The following KLF5 variants were observed in gnomAD, a reference collection of about 807,000 sequenced individuals.
The protein encoded by KLF5 is KLF transcription factor 5, also known as Krueppel-like factor 5.
KLF5 carries 9 observed loss-of-function variants against 36.9 expected under a neutral mutation model. That is an observed-to-expected ratio of 0.24 (90% CI 0.15 to 0.43). The LOEUF is 0.43. KLF5 is among the 20% of genes least tolerant of loss of function. KLF5 has a pLI of 1.00. For synonymous variants in KLF5, 246 were observed against 241.7 expected, an observed-to-expected ratio of 1.02 and a Z score of -0.17; for missense variants, 524 against 599.5, an observed-to-expected ratio of 0.87 and a Z score of 1.31.
chr13:73,075,702 T>A lies in KLF5; in HGVS notation c.1196-6T>A, dbSNP rs1402451162. 2 of 1,578,614 alleles carry A rather than the reference T, an allele frequency of 1.3e-6. No homozygotes were observed. The highest frequency in any genetic ancestry group is 1.7e-6 in the Non-Finnish European group (2 of 1,151,628). On this transcript the variant is annotated splice_region_variant and splice_polypyrimidine_tract_variant and intron_variant, in intron 3 of 3. Coordinates refer to ENST00000377687, the MANE Select transcript of KLF5 (RefSeq NM_001730.5). The stretch of plus-strand genomic sequence containing the variant: ...GCCGCTTTACCTCCTTTGTTCGTTG[T>A]CACAGGTGAAAAGCCATACAAGTGT...
In KLF5 at chr13:73,059,214, C is replaced by T; in HGVS notation, c.-114C>T. 9.3e-7 allele frequency: 1 copy of T among 1,072,840 alleles called. No individual in the cohort carries two copies. The highest frequency in any genetic ancestry group is 1.2e-6 in the Non-Finnish European group (1 of 834,830). 66.5% of individuals were successfully genotyped at this position (1,072,840 alleles called of 1,614,324 possible). A position where few individuals can be genotyped will look rare whatever the true frequency, so the allele number is the denominator to read the frequency against. On this transcript the variant is annotated 5_prime_UTR_variant, in exon 1 of 4. Transcript: ENST00000377687. The stretch of plus-strand genomic sequence containing the variant: ...CCTGCCGCTGTCTGAGGAGTCCACC[C>T]GAAACCTCCCCTCCTCCGCCGGCAG...
intron 1 of KLF5, among the ~76,000 whole-genome samples, chr13:73,061,637 T>C (rs567301803): frequency 2.0e-5 from 3 of 152,156 alleles, no homozygotes; most frequent in Non-Finnish European, 4.4e-5. Context: ...TTGGGGGTGA[T>C]TGGGGGAGCA....
intron 1 of KLF5, 98 bp from the exon 2 acceptor site, chr13:73,061,763 C>T (rs2044636579): frequency 1.8e-6 from 2 of 1,128,700 alleles, no homozygotes; most frequent in East Asian, 4.7e-5. Flanking sequence ...TAGTACCTTA[C>T]ACAGGGATTG....
chr13:73,061,819 T>C (rs745413444), intron 1 of KLF5, 42 bp from the exon 2 acceptor site: 43 of 1,575,152 alleles, frequency 2.7e-5, no homozygotes, highest in Non-Finnish European at 2.6e-6. Flanking sequence ...CCCGAGATGG[T>C]GAATCAGGTG....
rs1465131827 is a variant in KLF5 at position 73,076,409 on chromosome 13, G to A, written c.*523G>A. The A allele has an allele frequency of 6.6e-6, 1 of 152,600 alleles. No homozygotes were observed. Among genetic ancestry groups the A allele is most frequent in the Non-Finnish European group, 1.5e-5 (1 of 68,070 alleles). 9.5% of individuals were successfully genotyped at this position (152,600 alleles called of 1,614,324 possible). A position where few individuals can be genotyped will look rare whatever the true frequency, so the allele number is the denominator to read the frequency against. ...TTTTAAAAATTATATACATATATGA[G>A]TTGCCTATATTTGCTATTCAAAATT... is the stretch of plus-strand genomic sequence containing the variant. On this transcript the variant is annotated 3_prime_UTR_variant, in exon 4 of 4. Transcript: ENST00000377687.
chr13:73,060,202 G>A (rs1025696813), intron 1 of KLF5, among the ~76,000 whole-genome samples: 1 of 147,676 alleles, frequency 6.8e-6, no homozygotes, highest in African/African-American at 2.5e-5. Flanking sequence ...TGTTTTCTTC[G>A]TGTGCACGTA....
At chr13:73,067,038 T>C (rs2044685467) in intron 3 of KLF5, among the ~76,000 whole-genome samples, 2 of 152,246 alleles carry the variant, frequency 1.3e-5, no homozygotes, top group Non-Finnish European at 2.9e-5. Flanking sequence ...ACATTTATCA[T>C]GCCTTTGGTG....
intron 3 of KLF5, among the ~76,000 whole-genome samples, chr13:73,068,971 C>CTA (rs1203922032): frequency 1.3e-5 from 2 of 152,070 alleles, no homozygotes; most frequent in African/African-American, 4.8e-5. Context: ...TGGCACATGC[C>CTA]TATAGTCCCA....
At chr13:73,074,316 G>A (rs571189747) in intron 3 of KLF5, among the ~76,000 whole-genome samples, 2 of 152,206 alleles carry the variant, frequency 1.3e-5, no homozygotes, top group Non-Finnish European at 2.9e-5. Flanking sequence ...AGGCAGAAAG[G>A]TTGTGCAGTT....
At position 73,059,563 on chromosome 13, in the gene KLF5, G is replaced by T; in HGVS notation, c.236G>T (p.Arg79Leu). Reference sequence around the variant, plus strand: ...GCCCAGCCGCCCGCCACCGGCCCGCGGCTGCCTCCAGAGGACCTGGTCCAG... The same window carrying T: ...GCCCAGCCGCCCGCCACCGGCCCGCTGCTGCCTCCAGAGGACCTGGTCCAG... ...QPAQPPATGP[R>L]LPPEDLVQTR... The change falls in exon 1 of 4, where the codon CGG becomes CTG. Residue 79 changes from arginine (R) to leucine (L), a missense_variant. By Grantham distance (102) the Arg-to-Leu change is moderately radical. Coordinates refer to ENST00000377687, the MANE Select transcript of KLF5 (RefSeq NM_001730.5). 1 of 1,167,570 alleles carries T rather than the reference G, an allele frequency of 8.6e-7. No homozygotes were observed. The highest frequency in any genetic ancestry group is 1.1e-6 in the Non-Finnish European group (1 of 950,580). 72.3% of individuals were successfully genotyped at this position (1,167,570 alleles called of 1,614,324 possible).
At chr13:73,073,494 T>G (rs1251495430) in intron 3 of KLF5, among the ~76,000 whole-genome samples, 1 of 152,172 alleles carries the variant, frequency 6.6e-6, no homozygotes, top group Non-Finnish European at 1.5e-5. Context: ...GTTTATTGCT[T>G]CATAGCCAAT....
At chr13:73,073,229 T>A (rs1223461829) in intron 3 of KLF5, among the ~76,000 whole-genome samples, 2 of 152,254 alleles carry the variant, frequency 1.3e-5, no homozygotes, top group Non-Finnish European at 2.9e-5. Context: ...CAGTTTCCTC[T>A]ACGATGTTTT....
chr13:73,061,583 T>G (rs1478744210), intron 1 of KLF5, among the ~76,000 whole-genome samples: 1 of 152,256 alleles, frequency 6.6e-6, no homozygotes, highest in Non-Finnish European at 1.5e-5. Context: ...ATGGAATGTT[T>G]TAAGTTTGCT....
rs760979250 is a variant in KLF5 at position 73,062,139 on chromosome 13, G to A, written c.540G>A (p.Pro180=). ...AGAGTGAAACGACTGCCCCTCCTCC[G>A]GCCCCGACCCAGGCCCTCCCTGAGT... ...SHQSETTAPP[P]APTQALPEFT... The change falls in exon 2 of 4, where the codon CCG becomes CCA. Residue 180 remains proline, a synonymous_variant. Coordinates refer to ENST00000377687, the MANE Select transcript of KLF5 (RefSeq NM_001730.5). 1.2e-5 allele frequency: 20 copies of A among 1,613,986 alleles called. 2 individuals carry two copies. In the South Asian group the frequency reaches 1.9e-4, roughly 15 times the overall value.
At chr13:73,065,654 T>C (rs1466073381) in intron 3 of KLF5, among the ~76,000 whole-genome samples, 1 of 152,210 alleles carries the variant, frequency 6.6e-6, no homozygotes, top group Non-Finnish European at 1.5e-5. Context: ...AAATATTCCA[T>C]GTAGAAATAC....
rs993181665 is a variant in KLF5 at position 73,059,088 on chromosome 13, C to CGGTGG, written c.-237_-233dup. 8.3e-6 allele frequency: 3 copies of CGGTGG among 363,442 alleles called. No individual in the cohort carries two copies. The highest frequency in any genetic ancestry group is 4.2e-5 in the African/African-American group (2 of 47,416). The allele number at this position is 363,442 out of a possible 1,614,324, so 22.5% of individuals were successfully genotyped here. A position where few individuals can be genotyped will look rare whatever the true frequency, so the allele number is the denominator to read the frequency against. On this transcript the variant is annotated 5_prime_UTR_variant, in exon 1 of 4. Transcript: ENST00000377687. Reference sequence around the variant, plus strand: ...GCGGGCTCCGGAGAGCCTGAGAGCACGGTGGGGCGGGGCGGGAGAAAGTGG... The same window carrying CGGTGG: ...GCGGGCTCCGGAGAGCCTGAGAGCACGGTGGGGTGGGGCGGGGCGGGAGAAAGTGG...
At chr13:73,069,010 T>C (rs9543224) in intron 3 of KLF5, among the ~76,000 whole-genome samples, 125,425 of 152,074 alleles carry the variant, frequency 0.82, 53,951 homozygotes, top group East Asian at 0.96. Context: ...GCAGGAGAAT[T>C]GCTTGAACCT....
chr13:73,062,771 T>C, intron 2 of KLF5, 37 bp downstream of exon 2: 3 of 1,369,600 alleles, frequency 2.2e-6, no homozygotes, highest in Non-Finnish European at 3.1e-6. Flanking sequence ...TCAATAGATG[T>C]AGTGTGTGTG....
intron 3 of KLF5, among the ~76,000 whole-genome samples, chr13:73,064,473 C>G (rs1434713449): frequency 6.6e-6 from 1 of 151,674 alleles, no homozygotes; most frequent in African/African-American, 2.4e-5. Context: ...TTTATTCTAG[C>G]TTACATTCAT....
Sources: allele counts gnomAD v4.1 joint callset (sites outside exome capture counted in the v4.1 genomes callset), GRCh38; gene constraint gnomAD v4.1.1; transcripts MANE v1.5; gene names NCBI Gene and HGNC (gene_info 2026-07-23, HGNC 2026-07-21).